SNX24: variants seen among roughly 807,000 people sequenced by gnomAD.
SNX24 encodes the protein sorting nexin 24.
A neutral mutation model predicts 28.7 loss-of-function variants in SNX24; 22 were observed. That is an observed-to-expected ratio of 0.77 (90% confidence interval 0.55 to 1.10). SNX24 has a LOEUF of 1.10. Among genes scored for constraint, SNX24 ranks in the 50% least tolerant of loss-of-function variants. The pLI is 0.00. For missense variants in SNX24, 221 were observed against 201.1 expected (o/e 1.10, Z -0.60); for synonymous variants, 69 against 71.5 (o/e 0.96, Z 0.18).
chr5:122,981,340 T>G (rs544887886), intron 3 of SNX24, among the ~76,000 whole-genome samples: 6 of 152,374 alleles, frequency 3.9e-5, no homozygotes. Context: ...GGTCAGCATC[T>G]TCTAGTATTT....
chr5:122,974,019 G>A (rs1242092853), intron 3 of SNX24, among the ~76,000 whole-genome samples: 4 of 152,286 alleles, frequency 2.6e-5, no homozygotes, highest in East Asian at 3.9e-4. Context: ...TTCTGGACTC[G>A]AAACTGGCAG....
At chr5:122,945,968 G>T in intron 2 of SNX24, 87 bp from the exon 3 acceptor site, 8 of 619,960 alleles carry the variant, frequency 1.3e-5, no homozygotes, top group South Asian at 7.9e-5. Flanking sequence ...TTCTTTTATT[G>T]GCCTTTTTTC....
intron 1 of SNX24, among the ~76,000 whole-genome samples, chr5:122,930,627 GTTGGATT>G (rs1758909649): frequency 6.6e-6 from 1 of 152,130 alleles, no homozygotes; most frequent in South Asian, 2.1e-4. Context: ...GCTTAAGAAA[GTTGGATT>G]TCTTTTGTCT....
chr5:123,027,475 TG>T (rs1762877378), intron 5 of SNX24, among the ~76,000 whole-genome samples: 1 of 152,160 alleles, frequency 6.6e-6, no homozygotes, highest in African/African-American at 2.4e-5. Flanking sequence ...GAAGGTGGGA[TG>T]CCAGCACCGA....
At chr5:122,952,774 A>G (rs1367813774) in intron 3 of SNX24, among the ~76,000 whole-genome samples, 1 of 152,232 alleles carries the variant, frequency 6.6e-6, no homozygotes, top group Non-Finnish European at 1.5e-5. Context: ...GCTGTGTAAA[A>G]GGAACAATCC....
chr5:122,925,484 G>A (rs996726950), intron 1 of SNX24, among the ~76,000 whole-genome samples: 7 of 151,584 alleles, frequency 4.6e-5, no homozygotes, highest in African/African-American at 1.7e-4. Flanking sequence ...AGCTGGTCTT[G>A]AACTCCTGGG....
At position 123,008,808 on chromosome 5, in the gene SNX24, T is replaced by C. The variant is rs187355968; in HGVS notation, c.*1059T>C. The C allele has an allele frequency of 1.1e-6, 1 of 908,530 alleles. No homozygotes were observed. The highest frequency in any genetic ancestry group is 1.2e-4 in the East Asian group (1 of 8,460). 56.3% of individuals were successfully genotyped at this position (908,530 alleles called of 1,614,324 possible). A position where few individuals can be genotyped will look rare whatever the true frequency, so the allele number is the denominator to read the frequency against. Reference sequence around the variant, plus strand: ...AGTTAATGTAAGTTAAATGTGTTTATGATATAACTCCACTGTACATCATCC... The same window carrying C: ...AGTTAATGTAAGTTAAATGTGTTTACGATATAACTCCACTGTACATCATCC... On this transcript the variant is annotated 3_prime_UTR_variant, in exon 7 of 7. Coordinates refer to ENST00000261369, the MANE Select transcript of SNX24 (RefSeq NM_014035.4).
chr5:122,931,693 C>T (rs1241983443), intron 1 of SNX24, among the ~76,000 whole-genome samples: 4 of 152,018 alleles, frequency 2.6e-5, no homozygotes, highest in Non-Finnish European at 4.4e-5. Context: ...AGATTCCCAG[C>T]GTAACGATAC....
intron 1 of SNX24, among the ~76,000 whole-genome samples, chr5:122,876,019 A>T (rs1296827124): frequency 2.0e-5 from 3 of 152,146 alleles, no homozygotes; most frequent in African/African-American, 7.2e-5. Context: ...TAATTTTTGT[A>T]TTTTTAGTAG....
chr5:123,010,110 C>T (rs370570383), downstream of SNX24, among the ~76,000 whole-genome samples: 5 of 152,172 alleles, frequency 3.3e-5, no homozygotes, highest in Non-Finnish European at 7.4e-5. Flanking sequence ...CCTTGCTTGC[C>T]AGCAACCACA....
chr5:122,970,968 A>G (rs1263785958), intron 3 of SNX24, among the ~76,000 whole-genome samples: 1 of 152,230 alleles, frequency 6.6e-6, no homozygotes, highest in African/African-American at 2.4e-5. Context: ...AGATGTATGT[A>G]TGAAGAGCAG....
At chr5:122,867,709 A>C (rs560014092) in intron 1 of SNX24, among the ~76,000 whole-genome samples, 40 of 152,212 alleles carry the variant, frequency 2.6e-4, no homozygotes, top group Non-Finnish European at 5.3e-4. Context: ...TCAAATCCTC[A>C]TGATTATTAA....
intron 1 of SNX24, among the ~76,000 whole-genome samples, chr5:122,886,375 C>G (rs536994859): frequency 6.6e-6 from 1 of 152,298 alleles, no homozygotes; most frequent in South Asian, 2.1e-4. Context: ...TCCTGTCTCT[C>G]TCTCTCCTCT....
chr5:122,973,965 G>A (rs1761061166), intron 3 of SNX24, among the ~76,000 whole-genome samples: 2 of 152,190 alleles, frequency 1.3e-5, no homozygotes, highest in Non-Finnish European at 2.9e-5. Flanking sequence ...AAGTGGCAGA[G>A]CAGCTTGCAC....
intron 1 of SNX24, among the ~76,000 whole-genome samples, chr5:122,851,911 A>T (rs1014385410): frequency 6.6e-6 from 1 of 152,088 alleles, no homozygotes; most frequent in Non-Finnish European, 1.5e-5. Context: ...ACTTTTAAAA[A>T]GCATAACCAA....
chr5:122,934,025 C>G (rs1033843975), intron 1 of SNX24, among the ~76,000 whole-genome samples: 1 of 151,930 alleles, frequency 6.6e-6, no homozygotes, highest in Non-Finnish European at 1.5e-5. Context: ...TCAGGTGATA[C>G]GCCCGTCTCA....
chr5:123,016,899 C>T (rs989382637), intron 5 of SNX24, among the ~76,000 whole-genome samples: 1 of 152,056 alleles, frequency 6.6e-6, no homozygotes, highest in Non-Finnish European at 1.5e-5. Flanking sequence ...ATAGTTCAGA[C>T]ACTTCCACTT....
intron 1 of SNX24, among the ~76,000 whole-genome samples, chr5:122,911,148 A>G (rs1757868269): frequency 6.6e-6 from 1 of 152,164 alleles, no homozygotes; most frequent in Non-Finnish European, 1.5e-5. Context: ...CTGACTTTTT[A>G]ATGATTGCCA....
intron 1 of SNX24, among the ~76,000 whole-genome samples, chr5:122,911,283 G>C (rs1352251785): frequency 1.3e-5 from 2 of 152,164 alleles, no homozygotes; most frequent in Non-Finnish European, 2.9e-5. Context: ...AGATGTGTCT[G>C]TTCATATCCT....
Sources: allele counts gnomAD v4.1 joint callset (sites outside exome capture counted in the v4.1 genomes callset), GRCh38; gene constraint gnomAD v4.1.1; transcripts MANE v1.5; gene names NCBI Gene and HGNC (gene_info 2026-07-23, HGNC 2026-07-21).